The following COPS3 variants were observed in gnomAD, a reference collection of about 807,000 sequenced individuals.
The protein encoded by COPS3 is COP9 signalosome subunit 3.
In COPS3, 10 loss-of-function variants were observed where a neutral mutation model predicts 58.2. The observed-to-expected ratio is 0.17, with a 90% CI of 0.11 to 0.29. The LOEUF (loss-of-function observed/expected upper bound fraction) is 0.29. Among genes scored for constraint, COPS3 ranks in the 10% least tolerant of loss-of-function variants. COPS3 has a pLI of 1.00. For synonymous variants in COPS3, 187 were observed against 181.7 expected (o/e 1.03, Z -0.24); for missense variants, 333 against 510.1 (o/e 0.65, Z 3.34).
At chr17:17,264,422 T>C (rs891508471) in intron 6 of COPS3, among the ~76,000 whole-genome samples, 4 of 152,196 alleles carry the variant, frequency 2.6e-5, no homozygotes, top group Non-Finnish European at 5.9e-5. Context: ...AATGTTTCAC[T>C]GATTAAATAA....
intron 8 of COPS3, among the ~76,000 whole-genome samples, chr17:17,255,377 CTGA>C (rs1415782468): frequency 1.3e-5 from 2 of 150,700 alleles, no homozygotes; most frequent in African/African-American, 4.9e-5. Flanking sequence ...ACTTGGGAGG[CTGA>C]GACAAGAGAA....
intron 9 of COPS3, among the ~76,000 whole-genome samples, chr17:17,251,942 G>A (rs370424656): frequency 8.6e-5 from 13 of 152,012 alleles, no homozygotes; most frequent in Non-Finnish European, 1.5e-4. Flanking sequence ...AGTGGTGGGC[G>A]CCTGTAGTCC....
chr17:17,266,123 G>A (rs2048215831), intron 5 of COPS3, among the ~76,000 whole-genome samples: 1 of 152,166 alleles, frequency 6.6e-6, no homozygotes, highest in Admixed American at 6.6e-5. Context: ...ACATGTGTTT[G>A]AAATAATCCA....
At chr17:17,271,923 A>G (rs1352070204) in intron 2 of COPS3, among the ~76,000 whole-genome samples, 4 of 129,418 alleles carry the variant, frequency 3.1e-5, no homozygotes, top group East Asian at 2.5e-4. Context: ...TATTAAACAT[A>G]TATGTTTTAT....
At chr17:17,255,798 T>G (rs9903294) in intron 8 of COPS3, among the ~76,000 whole-genome samples, 69,170 of 149,212 alleles carry the variant, frequency 0.46, 16,971 homozygotes, top group East Asian at 0.63. Context: ...CGAGATCGCG[T>G]GATTCACTCC....
chr17:17,275,493 A>G (rs752563659), intron 2 of COPS3, among the ~76,000 whole-genome samples: 31 of 152,238 alleles, frequency 2.0e-4, no homozygotes, highest in Non-Finnish European at 3.8e-4. Context: ...CGGATACATA[A>G]AAGAGTTTTT....
intron 9 of COPS3, 38 bp downstream of exon 9, chr17:17,254,814 GAAAAAAA>G (rs71152853): frequency 9.0e-5 from 74 of 822,810 alleles, no homozygotes; most frequent in African/African-American, 6.2e-4. Flanking sequence ...ATCTCAAAAA[GAAAAAAA>G]AAAAAAAAAA....
At chr17:17,276,978 G>A (rs2048473825) in intron 1 of COPS3, among the ~76,000 whole-genome samples, 1 of 152,092 alleles carries the variant, frequency 6.6e-6, no homozygotes, top group Admixed American at 6.6e-5. Context: ...CTGAACTAAG[G>A]CCCTTCAATA....
intron 9 of COPS3, among the ~76,000 whole-genome samples, chr17:17,252,516 G>A (rs1478566409): frequency 6.6e-6 from 1 of 152,090 alleles, no homozygotes; most frequent in Non-Finnish European, 1.5e-5. Context: ...CCCATTAGAC[G>A]CCAGTAGCAC....
chr17:17,262,018 T>C lies in COPS3; in HGVS notation c.710A>G (p.Lys237Arg). The C allele has an allele frequency of 6.2e-7, 1 of 1,607,392 alleles. No individual in the cohort carries two copies. Among genetic ancestry groups the C allele is most frequent in the Non-Finnish European group, 8.5e-7 (1 of 1,175,898 alleles). Residue 237 changes from lysine to arginine, a missense_variant, in exon 7 of 12, where the codon AAA becomes AGA. Transcript: ENST00000268717. ...TGTATATTTTGGTAGCTGTTGTACT[T>C]TGCCAAGTAATATCAAAGACACTAA... ...YILVSLILLG[K>R]VQQLPKYTSQ...
chr17:17,261,981 C>A lies in COPS3; in HGVS notation c.747G>T (p.Val249=). Residue 249 remains valine, a synonymous_variant, in exon 7 of 12, where the codon GTG becomes GTT. Transcript: ENST00000268717. Reference sequence around the variant, plus strand: ...AAAAACTTACCTTAATGAATCTACCCACAATTTGAGATGTATATTTTGGTA... The same window carrying A: ...AAAAACTTACCTTAATGAATCTACCAACAATTTGAGATGTATATTTTGGTA... The part of the protein sequence containing the change: ...QQLPKYTSQI[V]GRFIKPLSNA... 6.3e-7 allele frequency: 1 copy of A among 1,587,980 alleles called. No individual in the cohort carries two copies. The highest frequency in any genetic ancestry group is 8.6e-7 in the Non-Finnish European group (1 of 1,165,686).
At chr17:17,274,122 C>A (rs1280326533) in intron 2 of COPS3, among the ~76,000 whole-genome samples, 2 of 152,092 alleles carry the variant, frequency 1.3e-5, no homozygotes, top group Non-Finnish European at 1.5e-5. Context: ...AAGGTGTTTA[C>A]CGTTGTATAT....
At chr17:17,254,234 G>A (rs2047911807) in intron 9 of COPS3, among the ~76,000 whole-genome samples, 1 of 151,024 alleles carries the variant, frequency 6.6e-6, no homozygotes, top group South Asian at 2.1e-4. Flanking sequence ...CTTAAACCCA[G>A]GGAATTGAGG....
At chr17:17,255,878 A>ATAAC (rs2047963068) in intron 8 of COPS3, among the ~76,000 whole-genome samples, 1 of 140,230 alleles carries the variant, frequency 7.1e-6, no homozygotes, top group African/African-American at 2.7e-5. Context: ...AAATAAATAA[A>ATAAC]TAACTGATAG....
At position 17,260,446 on chromosome 17, in the gene COPS3, G is replaced by T. The variant is rs1250758606; in HGVS notation, c.791C>A (p.Ala264Glu). 3 of 1,614,000 alleles carry T rather than the reference G, an allele frequency of 1.9e-6. No homozygotes were observed. The highest frequency in any genetic ancestry group is 1.3e-5 in the African/African-American group (1 of 74,902). ...KPLSNAYHEL[A>E]QVYSTNNPSE... ...GGGGTTGTTGGTTGAATACACTTGT[G>T]CTAACTCGTGGTATGCATTGCTAAG... Residue 264 changes from alanine to glutamate, a missense_variant, in exon 8 of 12, where the codon GCA (alanine) becomes GAA (glutamate). Physicochemically the swap from Ala to Glu is moderately radical, Grantham distance 107. Transcript: ENST00000268717.
At chr17:17,280,782 G>C in intron 1 of COPS3, 1 of 1,259,344 alleles carries the variant, frequency 7.9e-7, no homozygotes, top group East Asian at 4.6e-5. Flanking sequence ...ATCACCGAAG[G>C]CAAGAGAGAC....
At chr17:17,261,008 A>C (rs2048086563) in intron 7 of COPS3, among the ~76,000 whole-genome samples, 1 of 152,248 alleles carries the variant, frequency 6.6e-6, no homozygotes, top group Non-Finnish European at 1.5e-5. Flanking sequence ...ACTATGGAGT[A>C]ATTCATTTTC....
At chr17:17,278,313 T>C (rs531431346) in intron 1 of COPS3, among the ~76,000 whole-genome samples, 2 of 152,346 alleles carry the variant, frequency 1.3e-5, no homozygotes, top group African/African-American at 4.8e-5. Context: ...AACTTCTCTA[T>C]TTCTACAGAG....
intron 2 of COPS3, among the ~76,000 whole-genome samples, chr17:17,271,808 G>A (rs1370953738): frequency 2.8e-5 from 4 of 144,732 alleles, no homozygotes; most frequent in South Asian, 2.2e-4. Flanking sequence ...CAACAAGAGC[G>A]AGACTGTCTC....
Sources: gnomAD v4.1 joint callset for allele counts (sites outside exome capture counted in the v4.1 genomes callset) on GRCh38, gnomAD v4.1.1 for gene constraint, MANE v1.5 for transcripts, NCBI Gene and HGNC (gene_info 2026-07-23, HGNC 2026-07-21) for gene names.